The following PPP6R2 variants were observed in gnomAD, a reference collection of about 807,000 sequenced individuals.
PPP6R2 encodes the protein protein phosphatase 6 regulatory subunit 2.
PPP6R2 carries 62 observed loss-of-function variants against 100.2 expected under a neutral mutation model. The observed-to-expected ratio is 0.62, with a 90% CI of 0.50 to 0.76. The LOEUF (loss-of-function observed/expected upper bound fraction) is 0.76. PPP6R2 is among the 30% of genes least tolerant of loss of function. The pLI is 0.00. For synonymous variants in PPP6R2, 525 were observed against 514.7 expected (o/e 1.02, Z -0.27); for missense variants, 1,142 against 1,276.3 (o/e 0.89, Z 1.60).
At chr22:50,425,189 C>T (rs2061926546) in intron 10 of PPP6R2, among the ~76,000 whole-genome samples, 1 of 152,226 alleles carries the variant, frequency 6.6e-6, no homozygotes, top group Non-Finnish European at 1.5e-5. Context: ...CTGGCAACCA[C>T]CATTGTCTTT....
intron 2 of PPP6R2, among the ~76,000 whole-genome samples, chr22:50,391,677 T>C (rs1028661876): frequency 2.0e-5 from 3 of 151,100 alleles, no homozygotes; most frequent in African/African-American, 7.3e-5. Context: ...ATTGAAATGG[T>C]TGAATTTATG....
the PPP6R2 span, among the ~76,000 whole-genome samples, chr22:50,335,285 G>A: frequency 1.5e-5 from 2 of 130,362 alleles, no homozygotes; most frequent in Non-Finnish European, 3.2e-5. Flanking sequence ...GGGTGGTTTT[G>A]ATCTCCTCAC....
intron 10 of PPP6R2, among the ~76,000 whole-genome samples, chr22:50,427,939 C>G (rs940630408): frequency 3.9e-5 from 6 of 152,344 alleles, no homozygotes; most frequent in African/African-American, 1.2e-4. Flanking sequence ...CCAGGACGGT[C>G]TCGATCTCCT....
At chr22:50,442,464 G>A (rs548465368) in intron 22 of PPP6R2, among the ~76,000 whole-genome samples, 1 of 152,262 alleles carries the variant, frequency 6.6e-6, no homozygotes, top group Non-Finnish European at 1.5e-5. Flanking sequence ...GCAGTCACTG[G>A]GAAGCCCAGG....
chr22:50,395,091 A>G (rs1005446067), intron 3 of PPP6R2, among the ~76,000 whole-genome samples: 2 of 152,190 alleles, frequency 1.3e-5, no homozygotes, highest in African/African-American at 4.8e-5. Flanking sequence ...CTGTACTGTC[A>G]GCAGGGTTGG....
At chr22:50,358,230 A>T (rs1284869032) in intron 1 of PPP6R2, among the ~76,000 whole-genome samples, 1 of 152,290 alleles carries the variant, frequency 6.6e-6, no homozygotes, top group East Asian at 1.9e-4. Flanking sequence ...CGCTCAGATT[A>T]CAGGTGTGAA....
At chr22:50,388,067 A>G (rs1293610482) in intron 2 of PPP6R2, among the ~76,000 whole-genome samples, 1 of 152,080 alleles carries the variant, frequency 6.6e-6, no homozygotes, top group African/African-American at 2.4e-5. Context: ...CTCATGCTGT[A>G]ATCCCAGCAC....
At chr22:50,393,321 G>A in intron 2 of PPP6R2, 1 of 898,378 alleles carries the variant, frequency 1.1e-6, no homozygotes, top group Non-Finnish European at 1.3e-6. Flanking sequence ...GGAGGCAGAG[G>A]AGTGAGCGCA....
chr22:50,438,532 G>A lies in PPP6R2; in HGVS notation c.1965-67G>A, dbSNP rs552382776. ...CACCCTCAGCCCCGAGCCTGGGGCC[G>A]CCACTGACCCTCCATGTTAGGCGTC... On this transcript the variant is annotated intron_variant, in intron 18 of 23. Coordinates refer to ENST00000612753, the MANE Select transcript of PPP6R2 (RefSeq NM_001242898.2). 10 of 1,563,482 alleles carry A rather than the reference G, an allele frequency of 6.4e-6. No individual in the cohort carries two copies. The South Asian group carries it at 8.1e-5, about 13-fold the overall frequency.
At chr22:50,373,399 G>A (rs890314414) in intron 2 of PPP6R2, among the ~76,000 whole-genome samples, 3 of 151,472 alleles carry the variant, frequency 2.0e-5, no homozygotes, top group South Asian at 2.1e-4. Context: ...CCGCCAGCAC[G>A]CCCGGCTAAT....
At chr22:50,334,317 G>C in the PPP6R2 span, among the ~76,000 whole-genome samples, 1 of 152,226 alleles carries the variant, frequency 6.6e-6, no homozygotes, top group East Asian at 1.9e-4. Context: ...GCCCTGTCCG[G>C]GCGTGACAGA....
At chr22:50,394,354 G>A (rs2056284845) in intron 3 of PPP6R2, among the ~76,000 whole-genome samples, 2 of 152,284 alleles carry the variant, frequency 1.3e-5, no homozygotes, top group Admixed American at 1.3e-4. Flanking sequence ...CAGCACTTTG[G>A]GAGGCTGAGG....
rs140640239 is a variant in PPP6R2 at position 50,403,658 on chromosome 22, T to C, written c.228-3031T>C. 2.1e-3 allele frequency among the ~76,000 whole-genome samples: 320 copies of C among 152,310 alleles called. 1 individual carries two copies. Among genetic ancestry groups the C allele is most frequent in the African/African-American group, 7.2e-3 (301 of 41,572 alleles). On this transcript the variant is annotated intron_variant, in intron 3 of 23. Transcript: ENST00000612753. ...ACACATCCAGCTTGCAGTGCCCCTG[T>C]GCCCTGACCCTACTCCATCGGGCCC... is the stretch of plus-strand genomic sequence containing the variant.
intron 2 of PPP6R2, among the ~76,000 whole-genome samples, chr22:50,389,614 C>T (rs1187954740): frequency 3.4e-5 from 5 of 145,932 alleles, no homozygotes; most frequent in Middle Eastern, 3.7e-3. Context: ...AGTGTAGTGG[C>T]GTGATCTCGG....
chr22:50,366,546 C>T (rs1009804004), intron 1 of PPP6R2, among the ~76,000 whole-genome samples: 5 of 152,260 alleles, frequency 3.3e-5, no homozygotes, highest in Admixed American at 3.3e-4. Context: ...TCAGGTGATC[C>T]ACCGGCCTCG....
intron 6 of PPP6R2, among the ~76,000 whole-genome samples, chr22:50,418,649 G>A (rs2060880441): frequency 6.6e-6 from 1 of 151,560 alleles, no homozygotes; most frequent in African/African-American, 2.4e-5. Flanking sequence ...GCCTCCCAAA[G>A]TGCTAGGATT....
rs2061574910 is a variant in PPP6R2 at position 50,423,289 on chromosome 22, C to T, written c.973-173C>T. Among the ~76,000 whole-genome samples, 1 of 152,122 alleles carries T rather than the reference C, an allele frequency of 6.6e-6. No homozygotes were observed. The highest frequency in any genetic ancestry group is 2.4e-5 in the African/African-American group (1 of 41,416). On this transcript the variant is annotated intron_variant, in intron 9 of 23. Coordinates refer to ENST00000612753, the MANE Select transcript of PPP6R2 (RefSeq NM_001242898.2). The surrounding 1 kb of genome is among the most constrained non-coding windows in gnomAD (Gnocchi z 4.8). ...TGAGGGGAGCAGCAGGCTCTTCACC[C>T]CATTGATGCCTTCATTTCTTCTGGC... is the stretch of plus-strand genomic sequence containing the variant.
At chr22:50,354,096 G>A (rs551163850) in intron 1 of PPP6R2, among the ~76,000 whole-genome samples, 3 of 152,058 alleles carry the variant, frequency 2.0e-5, no homozygotes, top group Non-Finnish European at 2.9e-5. Flanking sequence ...CCTGGGGTCC[G>A]GAGTTTGAGA....
rs59017944 is a variant in PPP6R2, at chr22:50,444,323, C to CTT, written c.*87_*88dup. The stretch of plus-strand genomic sequence containing the variant: ...CGAGAAAACTACCTGGTGATGCAAT[C>CTT]TTTTTTTTTTTTAATTTAATTTAAT... On this transcript the variant is annotated 3_prime_UTR_variant, in exon 24 of 24. Transcript: ENST00000612753. 54 of 1,194,444 alleles carry CTT rather than the reference C, an allele frequency of 4.5e-5. No individual in the cohort carries two copies. The highest frequency in any genetic ancestry group is 6.0e-5 in the South Asian group (4 of 66,732). 74.0% of individuals were successfully genotyped at this position (1,194,444 alleles called of 1,614,324 possible). A position where few individuals can be genotyped will look rare whatever the true frequency, so the allele number is the denominator to read the frequency against.
Sources: gnomAD v4.1 joint callset for allele counts (sites outside exome capture counted in the v4.1 genomes callset) on GRCh38, gnomAD v4.1.1 for gene constraint, Gnocchi (gnomAD v3.1) non-coding constraint, MANE v1.5 for transcripts, NCBI Gene and HGNC (gene_info 2026-07-23, HGNC 2026-07-21) for gene names.